The following BRINP3 variants were observed in gnomAD, a reference collection of about 807,000 sequenced individuals.
BRINP3 encodes the protein BMP/retinoic acid inducible neural specific 3.
In BRINP3, 19 loss-of-function variants were observed where a neutral mutation model predicts 71.0. The ratio of observed to expected loss-of-function variants is 0.27; its 90% CI spans 0.19 to 0.39. The LOEUF (loss-of-function observed/expected upper bound fraction) is 0.39, where lower values mean the gene tolerates loss of function less well. BRINP3 is among the 10% of genes least tolerant of loss of function. BRINP3 has a pLI of 1.00. For missense variants in BRINP3, 959 were observed against 940.8 expected (o/e 1.02, Z -0.25); for synonymous variants, 380 against 337.7 (o/e 1.13, Z -1.37).
intron 7 of BRINP3, among the ~76,000 whole-genome samples, chr1:190,160,403 A>G (rs1657243779): frequency 6.6e-6 from 1 of 152,084 alleles, no homozygotes; most frequent in Admixed American, 6.6e-5. Flanking sequence ...GTTGGCTACA[A>G]CACATAATAA....
chr1:190,460,615 A>C (rs1676325521), intron 1 of BRINP3, among the ~76,000 whole-genome samples: 1 of 152,184 alleles, frequency 6.6e-6, no homozygotes, highest in Non-Finnish European at 1.5e-5. Flanking sequence ...TTAAGTCTTA[A>C]TAAAGATAGT....
Position 190,098,364 on chromosome 1 carries a change from A to T in BRINP3, c.1955T>A (p.Ile652Asn). Residue 652 changes from isoleucine (I) to asparagine (N), a missense_variant, in exon 8 of 8, where the codon ATT (isoleucine) becomes AAT (asparagine). Coordinates refer to ENST00000367462, the MANE Select transcript of BRINP3 (RefSeq NM_199051.3). Reference protein sequence around the residue: ...ESIYYEPLEFIDPSRNLGYMK... With the variant: ...ESIYYEPLEFNDPSRNLGYMK... ...ATAGCCCAGGTTCCGGGAAGGGTCA[A>T]TAAACTCCAGAGGTTCATAGTAAAT... 5 of 1,614,188 alleles carry T rather than the reference A, an allele frequency of 3.1e-6. No individual in the cohort carries two copies. Among genetic ancestry groups the T allele is most frequent in the Non-Finnish European group, 4.2e-6 (5 of 1,180,036 alleles).
chr1:190,369,565 CTG>C (rs1558225186), intron 2 of BRINP3, among the ~76,000 whole-genome samples: 9 of 151,872 alleles, frequency 5.9e-5, no homozygotes, highest in Non-Finnish European at 1.2e-4. Flanking sequence ...TGTACAATCT[CTG>C]AGTATATAAT....
chr1:190,293,148 T>A (rs12072689), intron 2 of BRINP3, among the ~76,000 whole-genome samples: 21,480 of 152,036 alleles, frequency 0.14, 1,982 homozygotes, highest in South Asian at 0.26. Context: ...TTTTGTTGTC[T>A]TAGGCATTTA....
chr1:190,109,026 G>A (rs977337128), intron 7 of BRINP3, among the ~76,000 whole-genome samples: 17 of 151,978 alleles, frequency 1.1e-4, no homozygotes, highest in Non-Finnish European at 2.2e-4. Flanking sequence ...TTCTAGTTCA[G>A]CCTTAATGTA....
At chr1:190,101,078 T>TGCCA (rs976248983) in intron 7 of BRINP3, among the ~76,000 whole-genome samples, 4 of 152,178 alleles carry the variant, frequency 2.6e-5, no homozygotes, top group African/African-American at 9.7e-5. Flanking sequence ...CCTCACCAGA[T>TGCCA]GCCAGTCTTT....
chr1:190,381,317 CTG>C (rs1006482797), intron 2 of BRINP3, among the ~76,000 whole-genome samples: 14 of 151,858 alleles, frequency 9.2e-5, no homozygotes, highest in African/African-American at 3.4e-4. Context: ...CACCGACGAT[CTG>C]TGCAAAATTC....
chr1:190,287,350 G>A (rs923019700), intron 2 of BRINP3, among the ~76,000 whole-genome samples: 6 of 152,152 alleles, frequency 3.9e-5, no homozygotes, highest in Non-Finnish European at 7.3e-5. Flanking sequence ...ACTGAAGCTA[G>A]TGTTTATAAA....
chr1:190,449,998 G>A (rs1675498471), intron 2 of BRINP3, among the ~76,000 whole-genome samples: 1 of 152,048 alleles, frequency 6.6e-6, no homozygotes, highest in African/African-American at 2.4e-5. Flanking sequence ...AATTTAAATA[G>A]AGAAAAATAT....
At chr1:190,183,156 GCATGTTTTTGATGGCTCTTTTT>G (rs1653179031) in intron 6 of BRINP3, among the ~76,000 whole-genome samples, 1 of 151,994 alleles carries the variant, frequency 6.6e-6, no homozygotes, top group East Asian at 1.9e-4. Context: ...TTTCAAGGAA[GCATGTTTTTGATGGCTCTTTTT>G]CAATCTCTGT....
intron 1 of BRINP3, among the ~76,000 whole-genome samples, chr1:190,466,100 T>C (rs538836081): frequency 6.6e-6 from 1 of 151,684 alleles, no homozygotes; most frequent in South Asian, 2.1e-4. Context: ...ATATTGCCCC[T>C]GCACTTTTGG....
intron 2 of BRINP3, among the ~76,000 whole-genome samples, chr1:190,320,366 T>A (rs1666158109): frequency 6.6e-6 from 1 of 152,088 alleles, no homozygotes; most frequent in Non-Finnish European, 1.5e-5. Context: ...GTTTACACAA[T>A]GAACATTGTT....
intron 2 of BRINP3, among the ~76,000 whole-genome samples, chr1:190,396,047 C>T (rs918395493): frequency 1.3e-5 from 2 of 151,788 alleles, no homozygotes; most frequent in Admixed American, 1.3e-4. Context: ...GCTGATAATG[C>T]ACCAGGTGTG....
chr1:190,377,221 G>A (rs1670241630), intron 2 of BRINP3, among the ~76,000 whole-genome samples: 1 of 151,924 alleles, frequency 6.6e-6, no homozygotes, highest in South Asian at 2.1e-4. Context: ...TCTCTAATCT[G>A]TCTGCTTATT....
At chr1:190,183,078 T>C (rs1653171193) in intron 6 of BRINP3, among the ~76,000 whole-genome samples, 1 of 152,134 alleles carries the variant, frequency 6.6e-6, no homozygotes, top group Non-Finnish European at 1.5e-5. Context: ...ACCTGTGACT[T>C]AGCAATCAGT....
intron 2 of BRINP3, among the ~76,000 whole-genome samples, chr1:190,450,376 A>C (rs1002433848): frequency 3.5e-4 from 53 of 152,160 alleles, no homozygotes; most frequent in African/African-American, 1.2e-3. Context: ...AATGCCTCTC[A>C]TATTCTGGCA....
intron 6 of BRINP3, among the ~76,000 whole-genome samples, chr1:190,199,316 G>A (rs1199429359): frequency 6.6e-6 from 1 of 151,994 alleles, no homozygotes; most frequent in Non-Finnish European, 1.5e-5. Flanking sequence ...CTTTGCCCTG[G>A]TTGTATAACC....
chr1:190,360,966 C>A (rs1222309127), intron 2 of BRINP3, among the ~76,000 whole-genome samples: 1 of 151,946 alleles, frequency 6.6e-6, no homozygotes, highest in Non-Finnish European at 1.5e-5. Context: ...GAAAGTGTCA[C>A]CAAACACTTG....
chr1:190,120,107 T>C (rs1653512816), intron 7 of BRINP3, among the ~76,000 whole-genome samples: 1 of 147,600 alleles, frequency 6.8e-6, no homozygotes, highest in Admixed American at 6.8e-5. Context: ...CTACTTTCTA[T>C]GGGCATTCTG....
Sources: allele counts gnomAD v4.1 joint callset (sites outside exome capture counted in the v4.1 genomes callset), GRCh38; gene constraint gnomAD v4.1.1; transcripts MANE v1.5; gene names NCBI Gene and HGNC (gene_info 2026-07-23, HGNC 2026-07-21).